PKP2: variants seen among roughly 807,000 people sequenced by gnomAD.
PKP2 encodes the protein plakophilin 2, also known as plakophilin-2.
PKP2 carries 73 observed loss-of-function variants against 83.4 expected under a neutral mutation model. The ratio of observed to expected loss-of-function variants is 0.88; its 90% CI spans 0.72 to 1.06. The LOEUF is 1.06. Ranked by LOEUF, PKP2 falls within the 50% of genes least tolerant of loss-of-function variation. PKP2 has a pLI of 0.00. For synonymous variants in PKP2, 409 were observed against 430.4 expected, an observed-to-expected ratio of 0.95 and a Z score of 0.62; for missense variants, 966 against 1,065.4, an observed-to-expected ratio of 0.91 and a Z score of 1.30.
At chr12:32,858,555 A>G (rs1284000045) in intron 4 of PKP2, among the ~76,000 whole-genome samples, 1 of 152,160 alleles carries the variant, frequency 6.6e-6, no homozygotes. Flanking sequence ...ATGTAGGGAT[A>G]GGTCTTTTAA....
Position 32,825,457 on chromosome 12 carries a change from T to C in PKP2, c.1557-1295A>G, listed in dbSNP as rs554402320. Among the ~76,000 whole-genome samples the C allele has an allele frequency of 1.4e-3, 220 of 152,238 alleles. 1 individual carries two copies. Among genetic ancestry groups the C allele is most frequent in the Middle Eastern group, 3.4e-3 (1 of 294 alleles). On this transcript the variant is annotated intron_variant, in intron 6 of 12. Transcript: ENST00000340811. ...AAGTGCTGGGATTACAGGCGTGAGC[T>C]ACCACGCCTGGCCCAGATCAGTTTC...
intron 1 of PKP2, chr12:32,894,626 G>A (rs1479638100): frequency 2.6e-5 from 4 of 152,152 alleles, no homozygotes; most frequent in Admixed American, 6.5e-5. Context: ...CTTTTCTTCT[G>A]TTCATGGCTC....
At position 32,896,747 on chromosome 12, in the gene PKP2, G is replaced by A. The variant is rs1214374578; in HGVS notation, c.-16C>T. 1.9e-5 allele frequency: 25 copies of A among 1,344,896 alleles called. No homozygotes were observed. Among genetic ancestry groups the A allele is most frequent in the Non-Finnish European group, 2.3e-5 (23 of 1,014,652 alleles). 83.3% of individuals were successfully genotyped at this position (1,344,896 alleles called of 1,614,324 possible). A position where few individuals can be genotyped will look rare whatever the true frequency, so the allele number is the denominator to read the frequency against. Reference sequence around the variant, plus strand: ...GGGCTGCCATGGGGCCGGTGGGGGCGACCGAGCTGCTCGCCTGCCTCTGGA... The same window carrying A: ...GGGCTGCCATGGGGCCGGTGGGGGCAACCGAGCTGCTCGCCTGCCTCTGGA... On this transcript the variant is annotated 5_prime_UTR_variant, in exon 1 of 13. Transcript: ENST00000340811.
chr12:32,856,688 C>T (rs1014830633), intron 4 of PKP2, among the ~76,000 whole-genome samples: 2 of 151,246 alleles, frequency 1.3e-5, no homozygotes, highest in Middle Eastern at 3.4e-3. Flanking sequence ...ACTAACATGG[C>T]ATATGTATAC....
intron 1 of PKP2, among the ~76,000 whole-genome samples, chr12:32,884,609 C>T (rs928052644): frequency 3.9e-5 from 6 of 152,054 alleles, no homozygotes; most frequent in East Asian, 1.9e-4. Flanking sequence ...AACCTGGTGA[C>T]GGGTAAGAAA....
intron 1 of PKP2, among the ~76,000 whole-genome samples, chr12:32,882,325 C>G (rs1215500683): frequency 6.6e-6 from 1 of 152,080 alleles, no homozygotes; most frequent in Non-Finnish European, 1.5e-5. Context: ...AATAAAACGG[C>G]AGGTGATGAA....
intron 4 of PKP2, among the ~76,000 whole-genome samples, chr12:32,852,564 TATA>T (rs1257480103): frequency 6.6e-6 from 1 of 152,250 alleles, no homozygotes; most frequent in South Asian, 2.1e-4. Context: ...GAAGCGTCAG[TATA>T]ATGTTAGGAG....
In PKP2 at chr12:32,799,588, G is replaced by A. The variant is rs188967966; in HGVS notation, c.2167+2815C>T. 4.2e-3 allele frequency among the ~76,000 whole-genome samples: 634 copies of A among 152,248 alleles called. 4 individuals are homozygous for A. The highest frequency in any genetic ancestry group is 0.015 in the African/African-American group (610 of 41,556). Reference sequence around the variant, plus strand: ...GGAAATGTGGTATATACACACCATGGAATACTACTCAGCCATTAAAAAGAA... The same window carrying A: ...GGAAATGTGGTATATACACACCATGAAATACTACTCAGCCATTAAAAAGAA... On this transcript the variant is annotated intron_variant, in intron 10 of 12. Transcript: ENST00000340811.
chr12:32,842,335 C>T (rs1044493910), intron 5 of PKP2, among the ~76,000 whole-genome samples: 4 of 152,090 alleles, frequency 2.6e-5, no homozygotes, highest in Admixed American at 2.0e-4. Flanking sequence ...CTCCACCTCC[C>T]AGGTTCAAGC....
At chr12:32,826,414 A>C (rs1319778625) in intron 6 of PKP2, among the ~76,000 whole-genome samples, 1 of 152,156 alleles carries the variant, frequency 6.6e-6, no homozygotes, top group East Asian at 1.9e-4. Flanking sequence ...GAAACTGACA[A>C]AACCCGACTG....
chr12:32,857,427 A>G (rs927523591), intron 4 of PKP2, among the ~76,000 whole-genome samples: 1 of 151,914 alleles, frequency 6.6e-6, no homozygotes, highest in Middle Eastern at 3.2e-3. Flanking sequence ...ACATGTCTCA[A>G]AAAAAAAGAA....
chr12:32,850,800 T>G lies in PKP2; in HGVS notation c.1344A>C (p.Gln448His). 6.2e-7 allele frequency: 1 copy of G among 1,613,260 alleles called. No homozygotes were observed. Among genetic ancestry groups the G allele is most frequent in the Non-Finnish European group, 8.5e-7 (1 of 1,179,836 alleles). Reference protein sequence around the residue: ...GVPRLLQVLKQTRDLETKKQI... With the variant: ...GVPRLLQVLKHTRDLETKKQI... ...GTTTTTTAGTCTCCAAGTCTCTGGTTTGCTTCAGCACCTGGAGCAGCCGAG... is the reference window on the plus strand; with the variant it reads ...GTTTTTTAGTCTCCAAGTCTCTGGTGTGCTTCAGCACCTGGAGCAGCCGAG... Residue 448 changes from glutamine to histidine, a missense_variant, in exon 5 of 13, where the codon CAA (glutamine) becomes CAC (histidine). Transcript: ENST00000340811.
At chr12:32,801,087 A>T (rs933553452) in intron 10 of PKP2, among the ~76,000 whole-genome samples, 24 of 152,352 alleles carry the variant, frequency 1.6e-4, no homozygotes, top group Non-Finnish European at 2.6e-4. Context: ...GAATTTTAAA[A>T]TAGCATTTAT....
chr12:32,822,422 CTCAT>C (rs1565580840), intron 8 of PKP2, 41 bp downstream of exon 8: 3 of 1,524,944 alleles, frequency 2.0e-6, no homozygotes, highest in Non-Finnish European at 2.7e-6. Flanking sequence ...CACACTCTCT[CTCAT>C]TCTCTCCCTT....
intron 5 of PKP2, chr12:32,843,159 T>C (rs996024101): frequency 2.2e-6 from 1 of 461,202 alleles, no homozygotes; most frequent in Admixed American, 2.3e-5. Context: ...TTTTTGTATT[T>C]TGAGTAGAGA....
intron 6 of PKP2, among the ~76,000 whole-genome samples, chr12:32,840,623 A>G (rs1956581526): frequency 6.6e-6 from 1 of 152,156 alleles, no homozygotes; most frequent in South Asian, 2.1e-4. Flanking sequence ...TCATCTTTGT[A>G]TAGCCTTCAG....
At chr12:32,874,420 C>T (rs1372940758) in intron 3 of PKP2, among the ~76,000 whole-genome samples, 2 of 152,072 alleles carry the variant, frequency 1.3e-5, no homozygotes, top group Non-Finnish European at 2.9e-5. Flanking sequence ...GTCTGGCTCC[C>T]TCTCCTTTTC....
At chr12:32,817,829 G>A (rs921076635) in intron 9 of PKP2, among the ~76,000 whole-genome samples, 4 of 152,170 alleles carry the variant, frequency 2.6e-5, no homozygotes, top group African/African-American at 7.2e-5. Context: ...GTACCAGTCC[G>A]TGGACTGTTA....
chr12:32,792,447 C>A lies in PKP2; in HGVS notation c.2491G>T (p.Ala831Ser), dbSNP rs1202929042. Residue 831 changes from alanine (A) to serine (S), a missense_variant, in exon 13 of 13, where the codon GCC becomes TCC. Physicochemically the swap from Ala to Ser is moderately conservative, Grantham distance 99. Coordinates refer to ENST00000340811, the MANE Select transcript of PKP2 (RefSeq NM_001005242.3). Reference protein sequence around the residue: ...TDFVNSRTAKAYHSLKD With the variant: ...TDFVNSRTAKSYHSLKD The stretch of plus-strand genomic sequence containing the variant: ...CCTCAGTCTTTAAGGGAGTGGTAGG[C>A]TTTGGCAGTCCGGCTGTTGACAAAA... 27 of 1,613,852 alleles carry A rather than the reference C, an allele frequency of 1.7e-5. No homozygotes were observed. Among genetic ancestry groups the A allele is most frequent in the Non-Finnish European group, 2.2e-5 (26 of 1,179,742 alleles).
Sources: allele counts gnomAD v4.1 joint callset (sites outside exome capture counted in the v4.1 genomes callset), GRCh38; gene constraint gnomAD v4.1.1; transcripts MANE v1.5; gene names NCBI Gene and HGNC (gene_info 2026-07-23, HGNC 2026-07-21).